The following NEK6 variants were observed in gnomAD, a reference collection of about 807,000 sequenced individuals.
The protein encoded by NEK6 is NIMA related kinase 6.
NEK6 carries 27 observed loss-of-function variants against 43.5 expected under a neutral mutation model. The ratio of observed to expected loss-of-function variants is 0.62; its 90% CI spans 0.46 to 0.86. The LOEUF (loss-of-function observed/expected upper bound fraction) is 0.86. Ranked by LOEUF, NEK6 falls within the 40% of genes least tolerant of loss-of-function variation. The probability of loss-of-function intolerance (pLI) is 0.00; values close to 1 mark genes in which losing one functional copy is unlikely to be tolerated. For missense variants in NEK6, 318 were observed against 414.4 expected (o/e 0.77, Z 2.02); for synonymous variants, 167 against 164.1 (o/e 1.02, Z -0.14).
chr9:124,293,487 AT>A (rs1005949481), intron 1 of NEK6, among the ~76,000 whole-genome samples: 5 of 152,198 alleles, frequency 3.3e-5, no homozygotes, highest in East Asian at 1.9e-4. Context: ...CAGCTTCTGC[AT>A]TTTTTTTCTT....
intron 1 of NEK6, among the ~76,000 whole-genome samples, chr9:124,290,028 G>C (rs1023097148): frequency 3.3e-5 from 5 of 152,252 alleles, no homozygotes; most frequent in African/African-American, 4.8e-5. Context: ...TAAGGAGAGC[G>C]ACACAGGAAG....
intron 7 of NEK6, among the ~76,000 whole-genome samples, chr9:124,337,123 C>T (rs1264927238): frequency 6.6e-6 from 1 of 152,198 alleles, no homozygotes; most frequent in East Asian, 1.9e-4. Context: ...TAAATCAGCC[C>T]CTCTGCTGAG....
At chr9:124,331,813 G>C (rs752005480) in intron 7 of NEK6, among the ~76,000 whole-genome samples, 1 of 152,230 alleles carries the variant, frequency 6.6e-6, no homozygotes, top group Non-Finnish European at 1.5e-5. Context: ...GGGGACACCT[G>C]TCCGTGCAGG....
intron 1 of NEK6, among the ~76,000 whole-genome samples, chr9:124,278,147 G>A (rs139898817): frequency 1.3e-4 from 20 of 152,270 alleles, no homozygotes; most frequent in African/African-American, 4.6e-4. Context: ...TGCAGTACTC[G>A]GTACAGGACC....
At chr9:124,309,859 A>G (rs149433392) in intron 2 of NEK6, among the ~76,000 whole-genome samples, 10 of 152,172 alleles carry the variant, frequency 6.6e-5, no homozygotes, top group Non-Finnish European at 1.2e-4. Flanking sequence ...GGCACATTCC[A>G]TGTGTCATTC....
At chr9:124,331,190 C>T (rs543231670) in intron 7 of NEK6, among the ~76,000 whole-genome samples, 90 of 135,554 alleles carry the variant, frequency 6.6e-4, no homozygotes, top group Non-Finnish European at 9.7e-4. Context: ...TGCTTGAACC[C>T]GGCAGGTGAA....
chr9:124,312,968 A>G (rs185823535), intron 3 of NEK6, among the ~76,000 whole-genome samples: 185 of 152,286 alleles, frequency 1.2e-3, no homozygotes, highest in South Asian at 5.0e-3. Context: ...CATAACCGCC[A>G]GGGCCCCAGC....
At chr9:124,350,697 C>A in intron 9 of NEK6, 140 bp from the exon 10 acceptor site, 1 of 702,904 alleles carries the variant, frequency 1.4e-6, no homozygotes, top group South Asian at 1.5e-5. Context: ...CAGCTAAACA[C>A]CGTTCTTCAG....
chr9:124,332,005 G>A (rs1275055359), intron 7 of NEK6, among the ~76,000 whole-genome samples: 2 of 152,230 alleles, frequency 1.3e-5, no homozygotes, highest in Admixed American at 6.5e-5. Context: ...TAACCCCTCG[G>A]TGGCAGTCAC....
intron 1 of NEK6, chr9:124,292,215 C>T: frequency 2.4e-6 from 3 of 1,240,336 alleles, no homozygotes; most frequent in Non-Finnish European, 3.2e-6. Flanking sequence ...GACCTGGCTG[C>T]ACCTCTGCCA....
chr9:124,273,255 G>A (rs1831519129), intron 1 of NEK6, among the ~76,000 whole-genome samples: 1 of 152,178 alleles, frequency 6.6e-6, no homozygotes, highest in Admixed American at 6.5e-5. Context: ...TGCTCTGTCT[G>A]CCATCATCCA....
At chr9:124,315,802 G>A (rs1833784587) in intron 4 of NEK6, among the ~76,000 whole-genome samples, 1 of 152,242 alleles carries the variant, frequency 6.6e-6, no homozygotes, top group Non-Finnish European at 1.5e-5. Context: ...GGGCTGCCAT[G>A]CAGCCAAGGG....
At chr9:124,277,312 G>C (rs891954039) in intron 1 of NEK6, among the ~76,000 whole-genome samples, 1 of 152,244 alleles carries the variant, frequency 6.6e-6, no homozygotes, top group Admixed American at 6.5e-5. Context: ...CAGGCATGGT[G>C]GCACACGCCT....
chr9:124,284,010 G>T (rs544589187), intron 1 of NEK6, among the ~76,000 whole-genome samples: 1 of 152,224 alleles, frequency 6.6e-6, no homozygotes, highest in Non-Finnish European at 1.5e-5. Context: ...ATGTCTGGAG[G>T]CATGTGACGC....
chr9:124,278,823 C>T (rs1037163717), intron 1 of NEK6, among the ~76,000 whole-genome samples: 10 of 152,146 alleles, frequency 6.6e-5, no homozygotes, highest in African/African-American at 9.7e-5. Context: ...TCTGACTCCC[C>T]GCTCCCTTGA....
chr9:124,339,029 T>C (rs1244675487), intron 7 of NEK6, among the ~76,000 whole-genome samples: 1 of 143,138 alleles, frequency 7.0e-6, no homozygotes, highest in Admixed American at 7.0e-5. Context: ...ATTTTTTTTT[T>C]TTTTTTTTTT....
At position 124,341,117 on chromosome 9, in the gene NEK6, A is replaced by G. The variant is rs1829593629; in HGVS notation, c.717+1452A>G. ...GAGGGCAGTGGCGCAATCTCGGCTC[A>G]CTGCGGCCTCCACCTCCCAGGTTCA... is the stretch of plus-strand genomic sequence containing the variant. On this transcript the variant is annotated intron_variant, in intron 8 of 9. Coordinates refer to ENST00000320246, the MANE Select transcript of NEK6 (RefSeq NM_014397.6). Among the ~76,000 whole-genome samples, 2 of 152,058 alleles carry G rather than the reference A, an allele frequency of 1.3e-5. 1 individual carries two copies. The highest frequency in any genetic ancestry group is 4.1e-4 in the South Asian group (2 of 4,826).
chr9:124,302,168 G>C, intron 2 of NEK6, 114 bp downstream of exon 2: 1 of 702,716 alleles, frequency 1.4e-6, no homozygotes, highest in South Asian at 2.0e-5. Context: ...CCCTGAAACA[G>C]AACCTCTTGA....
At position 124,351,015 on chromosome 9, in the gene NEK6, G is replaced by T; in HGVS notation, c.*68G>T. On this transcript the variant is annotated 3_prime_UTR_variant, in exon 10 of 10. Coordinates refer to ENST00000320246, the MANE Select transcript of NEK6 (RefSeq NM_014397.6). ...CTTACTTGAGTCGTCTTCTCTTCGA[G>T]TGGCCACCTGGTAGCCTAGAACAGC... 3.7e-6 allele frequency: 4 copies of T among 1,088,318 alleles called. No homozygotes were observed. The highest frequency in any genetic ancestry group is 5.5e-6 in the Non-Finnish European group (4 of 729,164). The allele number at this position is 1,088,318 out of a possible 1,614,324, so 67.4% of individuals were successfully genotyped here.
Sources: allele counts gnomAD v4.1 joint callset (sites outside exome capture counted in the v4.1 genomes callset), GRCh38; gene constraint gnomAD v4.1.1; transcripts MANE v1.5; gene names NCBI Gene and HGNC (gene_info 2026-07-23, HGNC 2026-07-21).